KCNAB1: variants seen among roughly 807,000 people sequenced by gnomAD.
The protein encoded by KCNAB1 is potassium voltage-gated channel subfamily A regulatory beta subunit 1.
A neutral mutation model predicts 64.6 loss-of-function variants in KCNAB1; 35 were observed. That is an observed-to-expected ratio of 0.54 (90% CI 0.41 to 0.72). The LOEUF (loss-of-function observed/expected upper bound fraction) is 0.72. Among genes scored for constraint, KCNAB1 ranks in the 30% least tolerant of loss-of-function variants. The pLI is 0.00. For synonymous variants in KCNAB1, 177 were observed against 183.8 expected, an observed-to-expected ratio of 0.96 and a Z score of 0.30; for missense variants, 401 against 512.9, an observed-to-expected ratio of 0.78 and a Z score of 2.11.
At chr3:156,317,525 G>A (rs1158651449) in intron 1 of KCNAB1, among the ~76,000 whole-genome samples, 2 of 151,842 alleles carry the variant, frequency 1.3e-5, no homozygotes, top group Non-Finnish European at 2.9e-5. Context: ...AATACGTGTG[G>A]TAATAGCTTT....
intron 2 of KCNAB1, among the ~76,000 whole-genome samples, chr3:156,440,960 T>A (rs960953854): frequency 2.0e-5 from 3 of 152,190 alleles, no homozygotes; most frequent in African/African-American, 7.2e-5. Context: ...TTCTGTATTT[T>A]AAAAAATTCT....
At chr3:156,503,213 G>T (rs1011333488) in intron 8 of KCNAB1, among the ~76,000 whole-genome samples, 2 of 152,130 alleles carry the variant, frequency 1.3e-5, no homozygotes, top group Admixed American at 1.3e-4. Flanking sequence ...GAAAGAAAAG[G>T]TGCAATTTTG....
At chr3:156,531,263 G>A (rs1323194662) in intron 12 of KCNAB1, 146 bp from the exon 13 acceptor site, 2 of 711,144 alleles carry the variant, frequency 2.8e-6, no homozygotes, top group East Asian at 5.0e-5. Context: ...TGCTGCTCAG[G>A]TTTTTAATCC....
chr3:156,459,043 C>G (rs1004345029), intron 4 of KCNAB1, among the ~76,000 whole-genome samples: 1 of 152,202 alleles, frequency 6.6e-6, no homozygotes, highest in Non-Finnish European at 1.5e-5. Context: ...TAATGACTAG[C>G]CATGACTCCC....
At chr3:156,137,787 C>G (rs1714451559) in intron 1 of KCNAB1, among the ~76,000 whole-genome samples, 1 of 151,542 alleles carries the variant, frequency 6.6e-6, no homozygotes, top group Non-Finnish European at 1.5e-5. Context: ...AACTCCTGAC[C>G]TCAGATGATC....
intron 1 of KCNAB1, among the ~76,000 whole-genome samples, chr3:156,165,401 T>A (rs956909050): frequency 1.3e-5 from 2 of 149,648 alleles, no homozygotes; most frequent in East Asian, 4.0e-4. Flanking sequence ...CCCAGGCCTG[T>A]GATATTGTGT....
intron 1 of KCNAB1, among the ~76,000 whole-genome samples, chr3:156,380,783 A>T (rs1383109886): frequency 6.6e-6 from 1 of 152,210 alleles, no homozygotes; most frequent in Admixed American, 6.5e-5. Context: ...CAAGAATTAC[A>T]TAAGATGCTA....
intron 8 of KCNAB1, among the ~76,000 whole-genome samples, chr3:156,478,260 T>C (rs1184020380): frequency 6.6e-6 from 1 of 152,192 alleles, no homozygotes; most frequent in African/African-American, 2.4e-5. Flanking sequence ...TGCATCCATT[T>C]CTGTTTAAGT....
At chr3:156,411,139 A>G (rs1714630733) in intron 1 of KCNAB1, among the ~76,000 whole-genome samples, 1 of 152,130 alleles carries the variant, frequency 6.6e-6, no homozygotes, top group Admixed American at 6.5e-5. Flanking sequence ...ACACTTTCTA[A>G]TAAGTATATA....
intron 8 of KCNAB1, among the ~76,000 whole-genome samples, chr3:156,476,773 G>A (rs1306616621): frequency 1.3e-5 from 2 of 152,080 alleles, no homozygotes; most frequent in Non-Finnish European, 2.9e-5. Flanking sequence ...GTGTAGAAAT[G>A]TTCCAGTCAA....
At chr3:156,495,669 T>G (rs756384506) in intron 8 of KCNAB1, among the ~76,000 whole-genome samples, 4 of 152,270 alleles carry the variant, frequency 2.6e-5, no homozygotes, top group Non-Finnish European at 4.4e-5. Context: ...TTACCCACCT[T>G]TGTTGTGCCT....
intron 1 of KCNAB1, among the ~76,000 whole-genome samples, chr3:156,253,413 G>A (rs890616839): frequency 2.6e-5 from 4 of 152,176 alleles, no homozygotes; most frequent in Non-Finnish European, 5.9e-5. Context: ...CTCTGCCTCA[G>A]TTCTATTCCT....
chr3:156,440,633 TTAGAAA>T (rs1430512925), intron 2 of KCNAB1, among the ~76,000 whole-genome samples: 2 of 152,204 alleles, frequency 1.3e-5, no homozygotes, highest in Non-Finnish European at 2.9e-5. Flanking sequence ...AGAAATAGAC[TTAGAAA>T]TAGACTAAGA....
intron 8 of KCNAB1, among the ~76,000 whole-genome samples, chr3:156,489,049 G>A (rs1290955007): frequency 3.3e-5 from 5 of 152,104 alleles, no homozygotes; most frequent in African/African-American, 1.2e-4. Context: ...TTTGAGTTTA[G>A]TCATCTTGAG....
intron 1 of KCNAB1, among the ~76,000 whole-genome samples, chr3:156,188,096 C>T (rs1050721156): frequency 5.9e-5 from 9 of 152,168 alleles, no homozygotes; most frequent in South Asian, 2.1e-4. Flanking sequence ...AGCATTCTCA[C>T]GTTCCCTTGG....
intron 1 of KCNAB1, among the ~76,000 whole-genome samples, chr3:156,354,993 C>T (rs1189799315): frequency 6.6e-6 from 1 of 152,156 alleles, no homozygotes; most frequent in African/African-American, 2.4e-5. Context: ...TTTATAGTGT[C>T]AGATCAGAGA....
chr3:156,306,702 G>A (rs1041522633), intron 1 of KCNAB1, among the ~76,000 whole-genome samples: 4 of 152,206 alleles, frequency 2.6e-5, no homozygotes, highest in African/African-American at 7.2e-5. Context: ...AGCGTCCAAG[G>A]CACGTGATGG....
chr3:156,471,214 C>T (rs533820591), intron 7 of KCNAB1, among the ~76,000 whole-genome samples: 1 of 152,218 alleles, frequency 6.6e-6, no homozygotes, highest in Non-Finnish European at 1.5e-5. Context: ...CCATCCACCT[C>T]TAACTGTGCC....
intron 1 of KCNAB1, among the ~76,000 whole-genome samples, chr3:156,313,339 G>C (rs1722055493): frequency 6.6e-6 from 1 of 152,112 alleles, no homozygotes; most frequent in Admixed American, 6.5e-5. Flanking sequence ...AAAATCCCTG[G>C]ACTCTGTGCA....
Sources: allele counts gnomAD v4.1 joint callset (sites outside exome capture counted in the v4.1 genomes callset), GRCh38; gene constraint gnomAD v4.1.1; transcripts MANE v1.5; gene names NCBI Gene and HGNC (gene_info 2026-07-23, HGNC 2026-07-21).